The following LARP4B variants were observed in gnomAD, a reference collection of about 807,000 sequenced individuals.
LARP4B encodes the protein la-related protein 4B.
In LARP4B, 12 loss-of-function variants were observed where a neutral mutation model predicts 89.8. The ratio of observed to expected loss-of-function variants is 0.13; its 90% confidence interval spans 0.09 to 0.22. The LOEUF is 0.22. Ranked by LOEUF, LARP4B falls within the 10% of genes least tolerant of loss-of-function variation. The probability of loss-of-function intolerance (pLI) is 1.00; values close to 1 mark genes in which losing one functional copy is unlikely to be tolerated. For synonymous variants in LARP4B, 367 were observed against 363.3 expected (o/e 1.01, Z -0.12); for missense variants, 757 against 947.7 (o/e 0.80, Z 2.64).
At chr10:844,482 C>T (rs531473484) in intron 6 of LARP4B, among the ~76,000 whole-genome samples, 196 of 152,306 alleles carry the variant, frequency 1.3e-3, no homozygotes, top group South Asian at 2.1e-3. Context: ...CACGGCCCAT[C>T]GGTTGTTGTC....
intron 6 of LARP4B, 32 bp downstream of exon 6, chr10:844,945 T>C (rs767782802): frequency 6.7e-7 from 1 of 1,499,120 alleles, no homozygotes; most frequent in South Asian, 1.1e-5. Context: ...ACTAGAAATA[T>C]CAGGTACTAG....
chr10:967,929 C>T, the LARP4B span, among the ~76,000 whole-genome samples: 69 of 152,198 alleles, frequency 4.5e-4, no homozygotes, highest in Non-Finnish European at 7.4e-4. Context: ...CTCGAACTCC[C>T]GACCTCAGGC....
rs546003330 is a variant in LARP4B, at chr10:843,199, C to T, written c.510-131G>A. The T allele has an allele frequency of 2.9e-5, 24 of 816,446 alleles. No homozygotes were observed. The African/African-American group carries it at 3.5e-4, about 12-fold the overall frequency. 50.6% of individuals were successfully genotyped at this position (816,446 alleles called of 1,614,324 possible). On this transcript the variant is annotated intron_variant, in intron 6 of 17. Transcript: ENST00000316157. ...TTGGAGTTAAATCTCAGCCCAGGAC[C>T]CATCTGTTATTTGCTGTCTCTCCAG...
upstream of LARP4B, among the ~76,000 whole-genome samples, chr10:936,485 C>T (rs955584881): frequency 2.0e-5 from 3 of 152,002 alleles, no homozygotes; most frequent in South Asian, 2.1e-4. Context: ...GTTGGGAGGC[C>T]GAGGCGGGTG....
At chr10:913,157 A>G (rs1297148843) in intron 1 of LARP4B, among the ~76,000 whole-genome samples, 1 of 152,170 alleles carries the variant, frequency 6.6e-6, no homozygotes. Flanking sequence ...TTTGGAAGTG[A>G]AAATTTAGGG....
chr10:960,553 A>T, the LARP4B span, among the ~76,000 whole-genome samples: 422 of 151,674 alleles, frequency 2.8e-3, 3 homozygotes, highest in African/African-American at 9.6e-3. Context: ...CTAAAAATAT[A>T]AAAAAAATTA....
intron 5 of LARP4B, among the ~76,000 whole-genome samples, chr10:862,815 C>T (rs1834696024): frequency 6.6e-6 from 1 of 152,100 alleles, no homozygotes; most frequent in African/African-American, 2.4e-5. Flanking sequence ...GTGTGGTACA[C>T]TCCATAACTG....
intron 1 of LARP4B, among the ~76,000 whole-genome samples, chr10:896,991 T>C (rs1035881273): frequency 7.4e-6 from 1 of 134,992 alleles, no homozygotes; most frequent in Non-Finnish European, 1.6e-5. Context: ...TGGGAGAATT[T>C]TTTTTTTTTT....
chr10:872,667 T>C (rs187315721), intron 3 of LARP4B, among the ~76,000 whole-genome samples: 3 of 152,300 alleles, frequency 2.0e-5, no homozygotes, highest in Admixed American at 1.3e-4. Context: ...AGATGGCCAC[T>C]CACAAAGGCT....
At chr10:888,032 A>G (rs1292264206) in intron 1 of LARP4B, among the ~76,000 whole-genome samples, 3 of 151,362 alleles carry the variant, frequency 2.0e-5, no homozygotes, top group Admixed American at 6.6e-5. Context: ...TTAAAAACAA[A>G]TAACAGGCCA....
At chr10:843,711 A>G (rs1307509324) in intron 6 of LARP4B, among the ~76,000 whole-genome samples, 1 of 152,200 alleles carries the variant, frequency 6.6e-6, no homozygotes, top group African/African-American at 2.4e-5. Context: ...AAAAAAAAGA[A>G]AGAAAAACAA....
chr10:988,307 C>A, the LARP4B span: 2 of 624,950 alleles, frequency 3.2e-6, no homozygotes, highest in Admixed American at 5.2e-5. Flanking sequence ...GGCTGACCTC[C>A]AAGCCGGGCG....
the LARP4B span, among the ~76,000 whole-genome samples, chr10:979,976 C>T: frequency 3.3e-5 from 5 of 152,154 alleles, no homozygotes; most frequent in African/African-American, 1.2e-4. Flanking sequence ...GTCTTTACTT[C>T]CAAGACACAG....
intron 5 of LARP4B, among the ~76,000 whole-genome samples, chr10:856,471 A>T (rs1344711505): frequency 6.6e-6 from 1 of 152,236 alleles, no homozygotes; most frequent in African/African-American, 2.4e-5. Context: ...CAAGGCAAAC[A>T]ACTGCTGCCA....
At chr10:831,286 T>C (rs1289277508) in intron 8 of LARP4B, among the ~76,000 whole-genome samples, 2 of 149,272 alleles carry the variant, frequency 1.3e-5, no homozygotes, top group Non-Finnish European at 3.0e-5. Context: ...CTTTTTTTTT[T>C]TTTTTTTTTT....
chr10:966,654 G>A, the LARP4B span, among the ~76,000 whole-genome samples: 3 of 152,342 alleles, frequency 2.0e-5, no homozygotes, highest in Non-Finnish European at 4.4e-5. Context: ...GGTGTCGGGC[G>A]AAGGCAGGCC....
rs546154354 is a variant in LARP4B at position 809,954 on chromosome 10, A to G, written c.*2972T>C. 5 of 152,472 alleles carry G rather than the reference A, an allele frequency of 3.3e-5. No individual in the cohort carries two copies. Among genetic ancestry groups the G allele is most frequent in the African/African-American group, 1.2e-4 (5 of 41,586 alleles). The allele number at this position is 152,472 out of a possible 1,614,324, so 9.4% of individuals were successfully genotyped here. Reference sequence around the variant, plus strand: ...CCCGCCAGTGACAGCCGGTGATGTGATGACAGGAGGGCCTGGGTGAAAATG... The same window carrying G: ...CCCGCCAGTGACAGCCGGTGATGTGGTGACAGGAGGGCCTGGGTGAAAATG... On this transcript the variant is annotated 3_prime_UTR_variant, in exon 18 of 18. Transcript: ENST00000316157.
chr10:909,681 A>T (rs1836614663), intron 1 of LARP4B, among the ~76,000 whole-genome samples: 1 of 151,922 alleles, frequency 6.6e-6, no homozygotes, highest in Non-Finnish European at 1.5e-5. Flanking sequence ...GCTACTCGGG[A>T]GGCTGAGGCT....
At chr10:938,119 A>C in the LARP4B span, among the ~76,000 whole-genome samples, 1 of 152,170 alleles carries the variant, frequency 6.6e-6, no homozygotes. Flanking sequence ...CCTGGACTCA[A>C]GTGATCTGCC....
Sources: gnomAD v4.1 joint callset for allele counts (sites outside exome capture counted in the v4.1 genomes callset) on GRCh38, gnomAD v4.1.1 for gene constraint, MANE v1.5 for transcripts, NCBI Gene and HGNC (gene_info 2026-07-23, HGNC 2026-07-21) for gene names.